Variants in SGCZ observed in about 807,000 individuals in gnomAD.
The protein encoded by SGCZ is sarcoglycan zeta.
SGCZ carries 40 observed loss-of-function variants against 41.3 expected under a neutral mutation model. The observed-to-expected ratio is 0.97, with a 90% confidence interval of 0.75 to 1.26. SGCZ has a LOEUF of 1.26. SGCZ is among the 50% of genes most tolerant of loss of function. The pLI is 0.00. For synonymous variants in SGCZ, 206 were observed against 137.5 expected (o/e 1.50, Z -3.49); for missense variants, 552 against 369.8 (o/e 1.49, Z -4.04).
chr8:14,240,839 C>T (rs1264446164), intron 3 of SGCZ, among the ~76,000 whole-genome samples: 1 of 152,118 alleles, frequency 6.6e-6, no homozygotes, highest in Non-Finnish European at 1.5e-5. Context: ...TAACACATGA[C>T]TTTTTACACA....
chr8:14,813,096 A>G (rs897453413), intron 1 of SGCZ, among the ~76,000 whole-genome samples: 1 of 152,210 alleles, frequency 6.6e-6, no homozygotes, highest in Non-Finnish European at 1.5e-5. Flanking sequence ...TTTGTTGACT[A>G]TGAAAACCTG....
chr8:15,234,522 T>G (rs868002423), intron 1 of SGCZ, among the ~76,000 whole-genome samples: 49 of 152,222 alleles, frequency 3.2e-4, no homozygotes, highest in African/African-American at 1.2e-3. Flanking sequence ...CAGGAGTTTG[T>G]GGGCAGAATA....
chr8:14,390,677 G>A (rs1461522375), intron 2 of SGCZ, among the ~76,000 whole-genome samples: 1 of 151,770 alleles, frequency 6.6e-6, no homozygotes, highest in Non-Finnish European at 1.5e-5. Flanking sequence ...GACACAAAGT[G>A]CACCTTTTGA....
chr8:14,865,886 T>C (rs1219204181), intron 1 of SGCZ, among the ~76,000 whole-genome samples: 2 of 152,038 alleles, frequency 1.3e-5, no homozygotes, highest in Non-Finnish European at 2.9e-5. Context: ...ACTTATGGAG[T>C]TAGGTGCTTA....
intron 1 of SGCZ, among the ~76,000 whole-genome samples, chr8:14,561,233 T>A (rs1471368347): frequency 1.3e-5 from 2 of 152,198 alleles, no homozygotes; most frequent in African/African-American, 4.8e-5. Flanking sequence ...GCATTAACTA[T>A]ATTCTGAAAT....
chr8:14,264,992 A>C (rs1014073545), intron 3 of SGCZ, among the ~76,000 whole-genome samples: 53 of 152,048 alleles, frequency 3.5e-4, no homozygotes, highest in African/African-American at 1.0e-3. Flanking sequence ...AAAACACAAA[A>C]AAACAAAAAA....
chr8:14,505,422 G>A (rs553059683), intron 2 of SGCZ, among the ~76,000 whole-genome samples: 8 of 152,168 alleles, frequency 5.3e-5, no homozygotes, highest in South Asian at 2.1e-4. Context: ...AAATCCAAGC[G>A]CAGACAATCC....
At chr8:15,010,055 A>G (rs944805121) in intron 1 of SGCZ, among the ~76,000 whole-genome samples, 1 of 152,148 alleles carries the variant, frequency 6.6e-6, no homozygotes, top group Admixed American at 6.5e-5. Flanking sequence ...CTTTAATACA[A>G]AAAGAAGACA....
intron 1 of SGCZ, among the ~76,000 whole-genome samples, chr8:14,900,738 G>T (rs763409050): frequency 3.3e-5 from 5 of 152,076 alleles, no homozygotes; most frequent in Non-Finnish European, 7.3e-5. Flanking sequence ...TTTTATTATT[G>T]AAGTCAGATA....
intron 1 of SGCZ, among the ~76,000 whole-genome samples, chr8:14,621,229 T>C (rs182004165): frequency 2.9e-5 from 4 of 137,766 alleles, no homozygotes; most frequent in East Asian, 4.4e-4. Context: ...TAGGTGGGAA[T>C]TGAACAATGA....
intron 1 of SGCZ, among the ~76,000 whole-genome samples, chr8:14,671,128 C>T (rs903878486): frequency 3.9e-5 from 6 of 152,216 alleles, no homozygotes; most frequent in Non-Finnish European, 7.3e-5. Context: ...ACTTCAGCTT[C>T]AGAATCATGT....
At chr8:14,296,337 A>T (rs1327225824) in intron 3 of SGCZ, among the ~76,000 whole-genome samples, 1 of 152,202 alleles carries the variant, frequency 6.6e-6, no homozygotes, top group African/African-American at 2.4e-5. Context: ...AAAAGCTGAG[A>T]GTTGCCAGCA....
chr8:14,878,386 GA>G (rs919584005), intron 1 of SGCZ, among the ~76,000 whole-genome samples: 8 of 149,934 alleles, frequency 5.3e-5, no homozygotes, highest in East Asian at 3.9e-4. Flanking sequence ...ACAACTGTGA[GA>G]AAAAAAAAGA....
chr8:14,288,744 T>A (rs1214395695), intron 3 of SGCZ, among the ~76,000 whole-genome samples: 2 of 152,194 alleles, frequency 1.3e-5, no homozygotes, highest in East Asian at 1.9e-4. Flanking sequence ...TTATGACCAT[T>A]TGTGTACAAG....
chr8:14,426,638 C>A (rs534870228), intron 2 of SGCZ, among the ~76,000 whole-genome samples: 3 of 152,062 alleles, frequency 2.0e-5, no homozygotes, highest in Non-Finnish European at 4.4e-5. Context: ...TGCTGTTCAG[C>A]TGAACCAAGA....
intron 1 of SGCZ, among the ~76,000 whole-genome samples, chr8:14,891,488 A>G (rs994293693): frequency 2.6e-5 from 4 of 152,230 alleles, no homozygotes; most frequent in African/African-American, 9.6e-5. Flanking sequence ...CTCAGGATAA[A>G]ACATTAGGAT....
At chr8:14,653,751 G>T (rs1020226) in intron 1 of SGCZ, among the ~76,000 whole-genome samples, 145,110 of 152,184 alleles carry the variant, frequency 0.95, 69,582 homozygotes, top group East Asian at 1. Flanking sequence ...CAATGCCATT[G>T]GCAATACATG....
At chr8:14,850,049 G>A (rs188807290) in intron 1 of SGCZ, among the ~76,000 whole-genome samples, 112 of 152,056 alleles carry the variant, frequency 7.4e-4, no homozygotes, top group Non-Finnish European at 1.0e-3. Context: ...ATACCCATTC[G>A]CTCTCTTCTA....
At chr8:14,128,675 T>A (rs560754754) in intron 5 of SGCZ, among the ~76,000 whole-genome samples, 1 of 152,066 alleles carries the variant, frequency 6.6e-6, no homozygotes, top group Non-Finnish European at 1.5e-5. Context: ...ATGTCTGAAT[T>A]TAAAAATGTG....
Sources: gnomAD v4.1 joint callset for allele counts (sites outside exome capture counted in the v4.1 genomes callset) on GRCh38, gnomAD v4.1.1 for gene constraint, MANE v1.5 for transcripts, NCBI Gene and HGNC (gene_info 2026-07-23, HGNC 2026-07-21) for gene names.